Variants in LILRA1 observed in about 807,000 individuals in gnomAD.
LILRA1 encodes the protein leukocyte immunoglobulin-like receptor subfamily A member 1.
Under a neutral mutation model 51.6 loss-of-function variants are expected in LILRA1, and 51 were observed. The ratio of observed to expected loss-of-function variants is 0.99; its 90% confidence interval spans 0.79 to 1.25. The LOEUF (loss-of-function observed/expected upper bound fraction) is 1.25, where lower values mean the gene tolerates loss of function less well. Ranked by LOEUF, LILRA1 falls within the 50% of genes most tolerant of loss-of-function variation. The probability of loss-of-function intolerance (pLI) is 0.00; values close to 1 mark genes in which losing one functional copy is unlikely to be tolerated. For synonymous variants in LILRA1, 305 were observed against 248.4 expected (o/e 1.23, Z -2.14); for missense variants, 660 against 611.7 (o/e 1.08, Z -0.83).
intron 4 of LILRA1, 69 bp downstream of exon 4, chr19:54,595,021 T>C (rs138019075): frequency 1.0e-5 from 16 of 1,603,108 alleles, no homozygotes; most frequent in Non-Finnish European, 1.4e-5. Flanking sequence ...CTCAGGGGCA[T>C]CTCCCTCTCA....
In LILRA1 at chr19:54,596,187, A is replaced by G. The variant is rs1386283045; in HGVS notation, c.959-2A>G. ...CCTCTCACCCATCCTTCTTCTCTCC[A>G]GGACAGTTCCGTGGCAGACCCTTCA... is the stretch of plus-strand genomic sequence containing the variant. On this transcript the variant is annotated splice_acceptor_variant, in intron 6 of 9. Transcript: ENST00000251372. LOFTEE classifies it high-confidence loss of function. 3.1e-6 allele frequency: 5 copies of G among 1,612,974 alleles called. No homozygotes were observed. The highest frequency in any genetic ancestry group is 4.2e-6 in the Non-Finnish European group (5 of 1,179,398).
In LILRA1 at chr19:54,599,673, A is replaced by G. The variant is rs546283492; in HGVS notation, c.1312+387A>G. ...AATATTTCTCACTTTAAATGTCAATATATATGTTACTACATCTTAAATAAA... is the reference window on the plus strand; with the variant it reads ...AATATTTCTCACTTTAAATGTCAATGTATATGTTACTACATCTTAAATAAA... On this transcript the variant is annotated intron_variant, in intron 8 of 9. Coordinates refer to ENST00000251372, the MANE Select transcript of LILRA1 (RefSeq NM_006863.4). 1.6e-4 allele frequency: 121 copies of G among 768,786 alleles called. 1 individual carries two copies. The South Asian group carries it at 3.1e-3, about 20-fold the overall frequency. The allele number at this position is 768,786 out of a possible 1,614,324, so 47.6% of individuals were successfully genotyped here. A position where few individuals can be genotyped will look rare whatever the true frequency, so the allele number is the denominator to read the frequency against.
rs1306558830 is a variant in LILRA1 at position 54,602,184 on chromosome 19, C to T, written c.*1367C>T. 1 of 152,092 alleles carries T rather than the reference C, an allele frequency of 6.6e-6. No homozygotes were observed. 9.4% of individuals were successfully genotyped at this position (152,092 alleles called of 1,614,324 possible). A position where few individuals can be genotyped will look rare whatever the true frequency, so the allele number is the denominator to read the frequency against. ...CATCTACCCTCTAGAATAAAGAAAT[C>T]TTATCATTCGCCATCTACCCTCTAG... On this transcript the variant is annotated 3_prime_UTR_variant, in exon 10 of 10. Transcript: ENST00000251372.
chr19:54,597,269 G>GGT (rs2063079181), intron 7 of LILRA1, among the ~76,000 whole-genome samples: 1 of 148,800 alleles, frequency 6.7e-6, no homozygotes, highest in Non-Finnish European at 1.5e-5. Context: ...GGACAGTAAG[G>GGT]GTGTGGTCTG....
At chr19:54,598,474 C>A (rs549338849) in intron 7 of LILRA1, among the ~76,000 whole-genome samples, 56 of 152,188 alleles carry the variant, frequency 3.7e-4, no homozygotes, top group Middle Eastern at 3.4e-3. Flanking sequence ...ATGAGAAACC[C>A]GGGGGAGGTC....
rs1468165280 is a variant in LILRA1 at position 54,602,315 on chromosome 19, C to G, written c.*1498C>G. 2.8e-5 allele frequency among the ~76,000 whole-genome samples: 4 copies of G among 141,978 alleles called. No homozygotes were observed. Among genetic ancestry groups the G allele is most frequent in the African/African-American group, 9.8e-5 (4 of 40,706 alleles). 93.1% of individuals were successfully genotyped at this position (141,978 alleles called of 152,430 possible). A position where few individuals can be genotyped will look rare whatever the true frequency, so the allele number is the denominator to read the frequency against. ...GAAATCTTATCATTCATCATCTACC[C>G]TCCAGAATAAAGAAATGTTATCATT... On this transcript the variant is annotated 3_prime_UTR_variant, in exon 10 of 10. Transcript: ENST00000251372.
At chr19:54,598,940 C>T (rs272409) in intron 7 of LILRA1, among the ~76,000 whole-genome samples, 6,297 of 152,066 alleles carry the variant, frequency 0.041, 197 homozygotes, top group Admixed American at 0.089. Context: ...GGATTACAGG[C>T]GCCCGCCACC....
intron 7 of LILRA1, among the ~76,000 whole-genome samples, chr19:54,598,714 T>TA (rs1397100601): frequency 6.6e-6 from 1 of 152,220 alleles, no homozygotes; most frequent in East Asian, 1.9e-4. Context: ...TCTCTCGTTT[T>TA]AAAAAATGTA....
In LILRA1 at chr19:54,596,349, C is replaced by T. The variant is rs769050573; in HGVS notation, c.1119C>T (p.His373=). 1.2e-6 allele frequency: 2 copies of T among 1,614,078 alleles called. No individual in the cohort carries two copies. The highest frequency in any genetic ancestry group is 1.7e-6 in the Non-Finnish European group (2 of 1,180,008). The change falls in exon 7 of 10, where the codon CAC becomes CAT. Residue 373 remains histidine, a synonymous_variant. Transcript: ENST00000251372. ...CCCCCCTCCGTCTCAGATCAATACA[C>T]GAATATCCTAAGTACCAGGCTGAAT... The part of the protein sequence containing the change: ...ADAPLRLRSI[H]EYPKYQAEFP...
In LILRA1 at chr19:54,601,250, C is replaced by A. The variant is rs193262402; in HGVS notation, c.*433C>A. 4.3e-4 allele frequency: 82 copies of A among 192,416 alleles called. 2 individuals are homozygous for A. In the East Asian group the frequency reaches 0.011, roughly 26 times the overall value. The allele number at this position is 192,416 out of a possible 1,614,324, so 11.9% of individuals were successfully genotyped here. A position where few individuals can be genotyped will look rare whatever the true frequency, so the allele number is the denominator to read the frequency against. ...CCTCCATCTCTTCAATTCAGAGTTC[C>A]AAACGTGCTTCAGTAACTAAATCAA... is the stretch of plus-strand genomic sequence containing the variant. On this transcript the variant is annotated 3_prime_UTR_variant, in exon 10 of 10. Coordinates refer to ENST00000251372, the MANE Select transcript of LILRA1 (RefSeq NM_006863.4).
Position 54,595,283 on chromosome 19 carries a change from T to C in LILRA1, c.542T>C (p.Ile181Thr). The C allele has an allele frequency of 6.2e-7, 1 of 1,614,042 alleles. No homozygotes were observed. Among genetic ancestry groups the C allele is most frequent in the South Asian group, 1.1e-5 (1 of 91,074 alleles). The change falls in exon 5 of 10, where the codon ATC becomes ACC. Residue 181 changes from isoleucine to threonine, a missense_variant. Physicochemically the swap from Ile to Thr is moderately conservative, Grantham distance 89. Transcript: ENST00000251372. The part of the protein sequence containing the change: ...QPRTHGWSRA[I>T]FSVGPVSPSR... ...CGTACCCATGGGTGGTCCCGGGCCA[T>C]CTTCTCTGTGGGCCCCGTGAGCCCG...
chr19:54,595,902 GC>G lies in LILRA1; in HGVS notation c.930del (p.Ser311AlafsTer7). 6.2e-7 allele frequency: 1 copy of G among 1,613,364 alleles called. No individual in the cohort carries two copies. The highest frequency in any genetic ancestry group is 1.1e-5 in the South Asian group (1 of 91,046). On this transcript the variant is annotated frameshift_variant, in exon 6 of 10. Coordinates refer to ENST00000251372, the MANE Select transcript of LILRA1 (RefSeq NM_006863.4). LOFTEE classifies it high-confidence loss of function. ...ATACAACCTCTCCTCCGAGTGGTCGGCCCCCAGCGACCCCCTGGACATCCTG... is the reference window on the plus strand; with the variant it reads ...ATACAACCTCTCCTCCGAGTGGTCGGCCCCAGCGACCCCCTGGACATCCTG... ...GAYNLSSEWS[A>X]PSDPLDILIA...
rs1426166805 is a variant in LILRA1 at position 54,595,628 on chromosome 19, C to T, written c.662-11C>T. The T allele has an allele frequency of 1.3e-6, 2 of 1,598,136 alleles. No homozygotes were observed. The highest frequency in any genetic ancestry group is 2.7e-5 in the African/African-American group (2 of 74,454). On this transcript the variant is annotated splice_polypyrimidine_tract_variant and intron_variant, in intron 5 of 9. Coordinates refer to ENST00000251372, the MANE Select transcript of LILRA1 (RefSeq NM_006863.4). Reference sequence around the variant, plus strand: ...GGTCGGCTCCTGGAAACCATGAGCACCTTTTCCCAGGTGTTTCTAAGAAGC... The same window carrying T: ...GGTCGGCTCCTGGAAACCATGAGCATCTTTTCCCAGGTGTTTCTAAGAAGC...
intron 7 of LILRA1, 59 bp downstream of exon 7, chr19:54,596,550 C>G (rs1413145278): frequency 3.9e-5 from 62 of 1,593,654 alleles, no homozygotes; most frequent in Non-Finnish European, 4.5e-5. Context: ...CCCTGCCCCC[C>G]AGGAGAGCTC....
chr19:54,597,146 C>T (rs183044054), intron 7 of LILRA1, among the ~76,000 whole-genome samples: 21 of 152,352 alleles, frequency 1.4e-4, no homozygotes, highest in Admixed American at 1.4e-3. Flanking sequence ...TAAGTCCTGA[C>T]CCCATGGGTG....
rs1467863763 is a variant in LILRA1 at position 54,597,975 on chromosome 19, GC to G, written c.1262-1260del. Among the ~76,000 whole-genome samples, 3 of 151,294 alleles carry G rather than the reference GC, an allele frequency of 2.0e-5. No individual in the cohort carries two copies. The East Asian group carries it at 6.1e-4, about 31-fold the overall frequency. On this transcript the variant is annotated intron_variant, in intron 7 of 9. Transcript: ENST00000251372. ...TGTGAGCGGCACCCACAGCTGGAGT[GC>G]TTCTCTCTAAAGGAGCACGTTTTGG... is the stretch of plus-strand genomic sequence containing the variant.
chr19:54,594,791 C>G lies in LILRA1; in HGVS notation c.197C>G (p.Thr66Arg). ...QEYRLYREKKTAPWITRIPQE... is the reference protein window; with the variant it reads ...QEYRLYREKKRAPWITRIPQE... ...TACCGTCTGTATAGAGAAAAGAAAA[C>G]AGCACCCTGGATTACACGGATCCCA... is the stretch of plus-strand genomic sequence containing the variant. The change falls in exon 4 of 10, where the codon ACA becomes AGA. Residue 66 changes from threonine to arginine, a missense_variant. Transcript: ENST00000251372. The G allele has an allele frequency of 1.2e-6, 2 of 1,614,126 alleles. No homozygotes were observed. The highest frequency in any genetic ancestry group is 1.7e-6 in the Non-Finnish European group (2 of 1,180,002).
rs1474089366 is a variant in LILRA1, at chr19:54,595,730, C to T, written c.753C>T (p.Ser251=). 1.9e-6 allele frequency: 3 copies of T among 1,614,090 alleles called. No individual in the cohort carries two copies. The highest frequency in any genetic ancestry group is 3.3e-5 in the Admixed American group (2 of 60,020). ...SLTLQCVSDV[S]YDRFVLYKEG... ...CCCTCCAGTGTGTTTCTGATGTCAGCTACGACAGATTTGTTCTGTATAAGG... is the reference window on the plus strand; with the variant it reads ...CCCTCCAGTGTGTTTCTGATGTCAGTTACGACAGATTTGTTCTGTATAAGG... Residue 251 remains serine, a synonymous_variant, in exon 6 of 10, where the codon AGC becomes AGT. Transcript: ENST00000251372.
rs143094571 is a variant in LILRA1, at chr19:54,595,975, G to A, written c.958+40G>A. 6.5e-5 allele frequency: 104 copies of A among 1,602,014 alleles called. No homozygotes were observed. The South Asian group carries it at 8.3e-4, about 13-fold the overall frequency. ...GGGTTCAGTCAGGGACACAGGCTCC[G>A]CACAGGCCCTGCCAGGGGAGCCCAG... On this transcript the variant is annotated intron_variant, in intron 6 of 9. Coordinates refer to ENST00000251372, the MANE Select transcript of LILRA1 (RefSeq NM_006863.4).
Sources: allele counts gnomAD v4.1 joint callset (sites outside exome capture counted in the v4.1 genomes callset), GRCh38; gene constraint gnomAD v4.1.1; transcripts MANE v1.5; gene names NCBI Gene and HGNC (gene_info 2026-07-23, HGNC 2026-07-21).